RASGEF1C: variants seen among roughly 807,000 people sequenced by gnomAD.
RASGEF1C encodes ras-GEF domain-containing family member 1C.
A neutral mutation model predicts 58.1 loss-of-function variants in RASGEF1C; 27 were observed. The ratio of observed to expected loss-of-function variants is 0.46; its 90% CI spans 0.34 to 0.64. RASGEF1C has a LOEUF of 0.64. RASGEF1C is among the 30% of genes least tolerant of loss of function. RASGEF1C has a pLI of 0.01. For synonymous variants in RASGEF1C, 243 were observed against 246.3 expected (o/e 0.99, Z 0.13); for missense variants, 502 against 605.1 (o/e 0.83, Z 1.79).
chr5:180,118,523 G>T, intron 10 of RASGEF1C, 86 bp downstream of exon 10: 1 of 1,218,402 alleles, frequency 8.2e-7, no homozygotes, highest in Admixed American at 2.2e-5. Context: ...GATGCTGCAG[G>T]GGGCAGGAGC....
rs550949376 is a variant in RASGEF1C, at chr5:180,158,665, C to T, written c.-6-20607G>A. ...TATCCCAAGAAAAACCCCTCAGTCC[C>T]AGGTAAACAAAGCCAGTTGGTCACC... On this transcript the variant is annotated intron_variant, in intron 1 of 13. Transcript: ENST00000361132. This position sits in a 1 kb window ranked among gnomAD's most constrained non-coding sequence, Gnocchi z 4.0. 1.3e-5 allele frequency among the ~76,000 whole-genome samples: 2 copies of T among 152,134 alleles called. No homozygotes were observed. The highest frequency in any genetic ancestry group is 2.9e-5 in the Non-Finnish European group (2 of 68,008).
At chr5:180,183,619 G>A (rs1245506984) in intron 1 of RASGEF1C, among the ~76,000 whole-genome samples, 4 of 152,166 alleles carry the variant, frequency 2.6e-5, no homozygotes, top group Non-Finnish European at 5.9e-5. Context: ...GAGGTCGGGA[G>A]TACAAGACCA....
intron 1 of RASGEF1C, among the ~76,000 whole-genome samples, chr5:180,176,162 G>A (rs538304980): frequency 2.0e-5 from 3 of 152,332 alleles, no homozygotes; most frequent in African/African-American, 7.2e-5. Flanking sequence ...CTGGTTTGGG[G>A]TCTCTTAGAC....
chr5:180,160,292 C>T (rs1766919415), intron 1 of RASGEF1C, among the ~76,000 whole-genome samples: 1 of 152,202 alleles, frequency 6.6e-6, no homozygotes, highest in African/African-American at 2.4e-5. Flanking sequence ...CGAGTCAAGG[C>T]ACCCACTCAC....
chr5:180,180,032 G>C (rs1335101543), intron 1 of RASGEF1C, among the ~76,000 whole-genome samples: 1 of 152,224 alleles, frequency 6.6e-6, no homozygotes, highest in South Asian at 2.1e-4. Flanking sequence ...GGAGCTGCCA[G>C]CTAGGCGGGG....
chr5:180,153,351 G>GC (rs1290644434), intron 1 of RASGEF1C, among the ~76,000 whole-genome samples: 5 of 152,196 alleles, frequency 3.3e-5, no homozygotes, highest in Non-Finnish European at 7.3e-5. Context: ...TGCACAGCCT[G>GC]CCATGGGATT....
intron 1 of RASGEF1C, among the ~76,000 whole-genome samples, chr5:180,139,206 G>A (rs568422904): frequency 3.3e-5 from 5 of 152,172 alleles, no homozygotes; most frequent in Non-Finnish European, 7.4e-5. Context: ...CTCTAGGCCA[G>A]TCTTCCTTGA....
intron 1 of RASGEF1C, among the ~76,000 whole-genome samples, chr5:180,145,180 G>A (rs1766644324): frequency 6.6e-6 from 1 of 152,062 alleles, no homozygotes; most frequent in African/African-American, 2.4e-5. Context: ...GAGTGCCGTG[G>A]TGCAATCTCA....
rs1029096404 is a variant in RASGEF1C, at chr5:180,137,194, T to A, written c.300+396A>T. Among the ~76,000 whole-genome samples the A allele has an allele frequency of 2.0e-5, 3 of 152,072 alleles. No homozygotes were observed. The highest frequency in any genetic ancestry group is 2.9e-5 in the Non-Finnish European group (2 of 68,014). ...CGGGTTGAAGTTGGGTCTCTCCCAC[T>A]AGCGGTAGAGCCCTACCGACGCGTG... On this transcript the variant is annotated intron_variant, in intron 3 of 13. Transcript: ENST00000361132. The surrounding 1 kb of genome is among the most constrained non-coding windows in gnomAD (Gnocchi z 4.1).
At position 180,177,048 on chromosome 5, in the gene RASGEF1C, A is replaced by G. The variant is rs894033387; in HGVS notation, c.-7+31980T>C. ...AACCTTGGTCAACCTCCCAGAGGAG[A>G]GGGCTGCAGACGAGGGGTTTCCAAG... On this transcript the variant is annotated intron_variant, in intron 1 of 13. Coordinates refer to ENST00000361132, the MANE Select transcript of RASGEF1C (RefSeq NM_175062.4). This position sits in a 1 kb window ranked among gnomAD's most constrained non-coding sequence, Gnocchi z 5.0. Among the ~76,000 whole-genome samples, 2 of 151,948 alleles carry G rather than the reference A, an allele frequency of 1.3e-5. No individual in the cohort carries two copies.
chr5:180,112,870 AGGATGGACGGAGGGACCGG>A (rs1329734499), intron 11 of RASGEF1C, among the ~76,000 whole-genome samples: 113 of 135,710 alleles, frequency 8.3e-4, no homozygotes, highest in East Asian at 3.0e-3. Flanking sequence ...GGAGGGACCG[AGGATGGACGGAGGGACCGG>A]GGATGGACGG....
chr5:180,182,564 C>G (rs548823414), intron 1 of RASGEF1C, among the ~76,000 whole-genome samples: 1 of 151,956 alleles, frequency 6.6e-6, no homozygotes, highest in Non-Finnish European at 1.5e-5. Context: ...GCTGATTGGT[C>G]CATTTTATAG....
intron 1 of RASGEF1C, among the ~76,000 whole-genome samples, chr5:180,175,584 T>C (rs1278949146): frequency 1.3e-5 from 2 of 152,258 alleles, no homozygotes; most frequent in Non-Finnish European, 2.9e-5. Context: ...TTCCCGAGCC[T>C]GAGCAGTCCC....
intron 1 of RASGEF1C, among the ~76,000 whole-genome samples, chr5:180,188,025 T>TA (rs1756072265): frequency 6.6e-6 from 1 of 152,166 alleles, no homozygotes; most frequent in Non-Finnish European, 1.5e-5. Context: ...CAAATACTTG[T>TA]ACATGAGTGA....
intron 1 of RASGEF1C, among the ~76,000 whole-genome samples, chr5:180,187,445 G>A (rs1756061959): frequency 6.6e-6 from 1 of 151,886 alleles, no homozygotes; most frequent in African/African-American, 2.4e-5. Flanking sequence ...GTACATCAAA[G>A]GACATTACAA....
intron 12 of RASGEF1C, among the ~76,000 whole-genome samples, chr5:180,102,897 T>G (rs1024906578): frequency 6.6e-6 from 1 of 152,230 alleles, no homozygotes; most frequent in Non-Finnish European, 1.5e-5. Context: ...TGACTTCCGA[T>G]ACAAATTTTA....
rs757480803 is a variant in RASGEF1C at position 180,111,499 on chromosome 5, T to C, written c.1261A>G (p.Ile421Val). Residue 421 changes from isoleucine (I) to valine (V), a missense_variant, in exon 12 of 14, where the codon ATC becomes GTC. Ile to Val is a conservative substitution (Grantham distance 29). Transcript: ENST00000361132. ...VECPFEQDAS[I>V]THYLYTAPIF... Reference sequence around the variant, plus strand: ...GGGGCGGTGTACAGGTAGTGGGTGATGCTGGCGTCTTGCTCGAAGGGACAC... The same window carrying C: ...GGGGCGGTGTACAGGTAGTGGGTGACGCTGGCGTCTTGCTCGAAGGGACAC... The C allele has an allele frequency of 4.5e-5, 72 of 1,614,078 alleles. No homozygotes were observed. Among genetic ancestry groups the C allele is most frequent in the Non-Finnish European group, 6.0e-5 (71 of 1,180,038 alleles).
At chr5:180,108,007 G>A (rs1765897542) in intron 12 of RASGEF1C, among the ~76,000 whole-genome samples, 1 of 152,126 alleles carries the variant, frequency 6.6e-6, no homozygotes, top group African/African-American at 2.4e-5. Context: ...TCCTTTTGGG[G>A]ATCATTCAGC....
chr5:180,183,969 T>G (rs4700909), intron 1 of RASGEF1C, among the ~76,000 whole-genome samples: 3 of 151,804 alleles, frequency 2.0e-5, no homozygotes, highest in Admixed American at 6.6e-5. Context: ...GTCAGGGGTT[T>G]GAGACCAGCC....
Sources: allele counts gnomAD v4.1 joint callset (sites outside exome capture counted in the v4.1 genomes callset), GRCh38; gene constraint gnomAD v4.1.1; non-coding constraint Gnocchi (gnomAD v3.1); transcripts MANE v1.5; gene names NCBI Gene and HGNC (gene_info 2026-07-23, HGNC 2026-07-21).